The following ANKHD1 variants were observed in gnomAD, a reference collection of about 807,000 sequenced individuals.
The protein encoded by ANKHD1 is ankyrin repeat and KH domain containing 1, also known as ankyrin repeat and KH domain-containing protein 1.
In ANKHD1, 31 loss-of-function variants were observed where a neutral mutation model predicts 230.5. That is an observed-to-expected ratio of 0.13 (90% CI 0.10 to 0.18). The LOEUF is 0.18. Ranked by LOEUF, ANKHD1 falls within the 10% of genes least tolerant of loss-of-function variation. The pLI, the probability that ANKHD1 is intolerant of heterozygous loss-of-function variation, is 1.00. For synonymous variants in ANKHD1, 1,074 were observed against 1,117.6 expected (o/e 0.96, Z 0.78); for missense variants, 2,256 against 3,071.3 (o/e 0.73, Z 6.27).
Position 140,538,976 on chromosome 5 carries a change from G to T in ANKHD1, c.7462G>T (p.Asp2488Tyr). 6.2e-7 allele frequency: 1 copy of T among 1,610,786 alleles called. No individual in the cohort carries two copies. Among genetic ancestry groups the T allele is most frequent in the Non-Finnish European group, 8.5e-7 (1 of 1,178,420 alleles). Reference protein sequence around the residue: ...TIIPSHPQLADVPGGPLFNGL... With the variant: ...TIIPSHPQLAYVPGGPLFNGL... ...AATACCCTCTCATCCTCAGCTTGCTGATGTTCCAGGAGGCCCTCTGTTTAA... is the reference window on the plus strand; with the variant it reads ...AATACCCTCTCATCCTCAGCTTGCTTATGTTCCAGGAGGCCCTCTGTTTAA... Residue 2488 changes from aspartate (D) to tyrosine (Y), a missense_variant, in exon 33 of 34, where the codon GAT becomes TAT. By Grantham distance (160) the Asp-to-Tyr change is radical (BLOSUM62 -3). This residue lies in a region of ANKHD1 where 778 missense variants were observed against 966.5 expected (regional missense o/e 0.80). Coordinates refer to ENST00000360839, the MANE Select transcript of ANKHD1 (RefSeq NM_017747.3).
chr5:140,454,354 A>G (rs1774995024), intron 7 of ANKHD1, among the ~76,000 whole-genome samples: 1 of 152,206 alleles, frequency 6.6e-6, no homozygotes, highest in South Asian at 2.1e-4. Flanking sequence ...GCTCTGCACC[A>G]AGCAGACCGA....
At chr5:140,448,797 A>G (rs1774482475) in intron 6 of ANKHD1, among the ~76,000 whole-genome samples, 1 of 152,180 alleles carries the variant, frequency 6.6e-6, no homozygotes, top group Non-Finnish European at 1.5e-5. Context: ...ATTATTTTAA[A>G]TGGAGTTTTC....
chr5:140,486,927 G>T (rs762000506), intron 13 of ANKHD1, 31 bp from the exon 14 acceptor site: 1 of 1,602,190 alleles, frequency 6.2e-7, no homozygotes, highest in South Asian at 1.1e-5. Context: ...TCTTTGGTCT[G>T]AGATGATTTT....
chr5:140,534,000 A>G (rs1051643638), intron 29 of ANKHD1, among the ~76,000 whole-genome samples: 1 of 152,142 alleles, frequency 6.6e-6, no homozygotes, highest in African/African-American at 2.4e-5. Context: ...TGCCTACCAC[A>G]ATAATGAAAG....
intron 25 of ANKHD1, among the ~76,000 whole-genome samples, chr5:140,525,582 T>C (rs1413892995): frequency 3.3e-5 from 5 of 152,138 alleles, no homozygotes; most frequent in Non-Finnish European, 5.9e-5. Flanking sequence ...AAAGATTTCT[T>C]TATTTCAGCT....
At chr5:140,487,566 A>G (rs1160797120) in intron 14 of ANKHD1, among the ~76,000 whole-genome samples, 1 of 152,202 alleles carries the variant, frequency 6.6e-6, no homozygotes, top group African/African-American at 2.4e-5. Context: ...ATCAAAATAA[A>G]ATGTGTACAA....
At chr5:140,440,507 G>T (rs1471440274) in intron 4 of ANKHD1, among the ~76,000 whole-genome samples, 2 of 152,042 alleles carry the variant, frequency 1.3e-5, no homozygotes, top group African/African-American at 4.8e-5. Flanking sequence ...TAATGAATAA[G>T]AAACAAATAG....
chr5:140,505,261 AG>A lies in ANKHD1; in HGVS notation c.3262+29del, dbSNP rs1426628286. 6 of 1,611,806 alleles carry A rather than the reference AG, an allele frequency of 3.7e-6. No individual in the cohort carries two copies. The African/African-American group carries it at 6.7e-5, about 18-fold the overall frequency. On this transcript the variant is annotated intron_variant, in intron 17 of 33. Transcript: ENST00000360839. Reference sequence around the variant, plus strand: ...AAATATCAGTCAGAAATAAAATCCAAGTGTAGTTACATCAGAAAATAATTAA... The same window carrying A: ...AAATATCAGTCAGAAATAAAATCCAATGTAGTTACATCAGAAAATAATTAA...
chr5:140,468,107 C>T (rs1238499916), intron 10 of ANKHD1, among the ~76,000 whole-genome samples: 1 of 94,312 alleles, frequency 1.1e-5, no homozygotes, highest in African/African-American at 4.4e-5. Context: ...TGGGGTCTGG[C>T]TCTGTTACCC....
At chr5:140,497,328 A>T (rs1752077863) in intron 15 of ANKHD1, 50 bp downstream of exon 15, 3 of 1,537,446 alleles carry the variant, frequency 2.0e-6, no homozygotes, top group African/African-American at 1.4e-5. Flanking sequence ...CTGTGTGCTG[A>T]ACTTCTTTAT....
At chr5:140,430,768 C>A (rs1475336520) in intron 1 of ANKHD1, among the ~76,000 whole-genome samples, 1 of 151,708 alleles carries the variant, frequency 6.6e-6, no homozygotes, top group African/African-American at 2.4e-5. Context: ...AGGCGATCCT[C>A]CCACCTCAGT....
Position 140,436,116 on chromosome 5 carries a change from AT to A in ANKHD1, c.323del (p.Leu108TrpfsTer39). The A allele has an allele frequency of 1.3e-6, 2 of 1,566,984 alleles. No homozygotes were observed. The highest frequency in any genetic ancestry group is 1.7e-6 in the Non-Finnish European group (2 of 1,160,916). On this transcript the variant is annotated frameshift_variant, in exon 2 of 34. Transcript: ENST00000360839. LOFTEE classifies it high-confidence loss of function. ...ATTTCATTAACAGGTTGAATCATTT[AT>A]TTTGGACCAAGAAGATCTGGATAAC... ...EDEVSEVESF[I>X]LDQEDLDNPV... is the part of the protein sequence containing the mutation.
intron 22 of ANKHD1, among the ~76,000 whole-genome samples, chr5:140,512,493 T>C (rs919513164): frequency 5.9e-5 from 9 of 152,190 alleles, no homozygotes; most frequent in African/African-American, 2.2e-4. Flanking sequence ...AGATTTATTC[T>C]AGGAGATACT....
At chr5:140,404,499 C>T (rs1770254189) in intron 1 of ANKHD1, among the ~76,000 whole-genome samples, 1 of 151,646 alleles carries the variant, frequency 6.6e-6, no homozygotes, top group South Asian at 2.1e-4. Flanking sequence ...GTGGCTCGAT[C>T]TTGGCTCACT....
rs761278869 is a variant in ANKHD1 at position 140,503,215 on chromosome 5, G to GC, written c.3005-1604dup. ...ATCTGGGTGCAAATGTAAGGTTATTGCCATCACTGATGCTTTGTTGATTTT... is the reference window on the plus strand; with the variant it reads ...ATCTGGGTGCAAATGTAAGGTTATTGCCCATCACTGATGCTTTGTTGATTTT... On this transcript the variant is annotated intron_variant, in intron 15 of 33. Coordinates refer to ENST00000360839, the MANE Select transcript of ANKHD1 (RefSeq NM_017747.3). 4.6e-4 allele frequency among the ~76,000 whole-genome samples: 70 copies of GC among 152,156 alleles called. 1 individual carries two copies. The highest frequency in any genetic ancestry group is 6.8e-3 in the Middle Eastern group (2 of 294).
intron 6 of ANKHD1, among the ~76,000 whole-genome samples, chr5:140,447,755 C>A (rs926628166): frequency 5.3e-5 from 8 of 152,094 alleles, no homozygotes; most frequent in African/African-American, 1.9e-4. Flanking sequence ...AACCTAAAAC[C>A]AAGATGATAG....
At position 140,485,483 on chromosome 5, in the gene ANKHD1, GATCT is replaced by G. The variant is rs995931545; in HGVS notation, c.1999-101_1999-98del. The G allele has an allele frequency of 1.7e-5, 24 of 1,433,796 alleles. No individual in the cohort carries two copies. The African/African-American group carries it at 2.5e-4, about 15-fold the overall frequency. The allele number at this position is 1,433,796 out of a possible 1,614,324, so 88.8% of individuals were successfully genotyped here. ...TGTGTATAGTTATAAAAATATGTTT[GATCT>G]ATCTTAGTGCTTAGTATTTAATACT... On this transcript the variant is annotated intron_variant, in intron 12 of 33. Coordinates refer to ENST00000360839, the MANE Select transcript of ANKHD1 (RefSeq NM_017747.3). This position sits in a 1 kb window ranked among gnomAD's most constrained non-coding sequence, Gnocchi z 4.8.
Position 140,445,826 on chromosome 5 carries a change from A to C in ANKHD1, c.998A>C (p.Asp333Ala), listed in dbSNP as rs1774240051. ...CTTAATGAAGGTGCAAATATAGAAG[A>C]TCATAATGAAAATGGACATACTCCC... ...VLLNEGANIE[D>A]HNENGHTPLM... The change falls in exon 6 of 34, where the codon GAT becomes GCT. Residue 333 changes from aspartate (D) to alanine (A), a missense_variant. By Grantham distance (126) the Asp-to-Ala change is moderately radical. This residue lies in a region of ANKHD1 where 206 missense variants were observed against 304.5 expected (regional missense o/e 0.68). Coordinates refer to ENST00000360839, the MANE Select transcript of ANKHD1 (RefSeq NM_017747.3). 1 of 1,613,772 alleles carries C rather than the reference A, an allele frequency of 6.2e-7. No homozygotes were observed. Among genetic ancestry groups the C allele is most frequent in the South Asian group, 1.1e-5 (1 of 91,040 alleles).
At chr5:140,456,069 AACAG>A (rs898193444) in intron 7 of ANKHD1, among the ~76,000 whole-genome samples, 20 of 152,088 alleles carry the variant, frequency 1.3e-4, no homozygotes, top group African/African-American at 3.1e-4. Flanking sequence ...ATACACCAAT[AACAG>A]ACAGAGAGCC....
Sources: gnomAD v4.1 joint callset for allele counts (sites outside exome capture counted in the v4.1 genomes callset) on GRCh38, gnomAD v4.1.1 for gene constraint, gnomAD v4.1.1 regional missense constraint, Gnocchi (gnomAD v3.1) non-coding constraint, MANE v1.5 for transcripts, NCBI Gene and HGNC (gene_info 2026-07-23, HGNC 2026-07-21) for gene names.